Variants in NRXN3 observed in about 807,000 individuals in gnomAD.
NRXN3 encodes the protein neurexin 3.
NRXN3 carries 32 observed loss-of-function variants against 137.6 expected under a neutral mutation model. The ratio of observed to expected loss-of-function variants is 0.23; its 90% CI spans 0.18 to 0.31. The LOEUF (loss-of-function observed/expected upper bound fraction) is 0.31. Among genes scored for constraint, NRXN3 ranks in the 10% least tolerant of loss-of-function variants. The pLI is 1.00. For missense variants in NRXN3, 1,574 were observed against 2,062.5 expected (o/e 0.76, Z 4.59); for synonymous variants, 798 against 784.5 (o/e 1.02, Z -0.29).
At chr14:78,282,652 C>T (rs763504585) in intron 3 of NRXN3, among the ~76,000 whole-genome samples, 1 of 152,174 alleles carries the variant, frequency 6.6e-6, no homozygotes, top group Non-Finnish European at 1.5e-5. Flanking sequence ...GCCAAAGGAA[C>T]AGATACCTTT....
chr14:79,179,306 C>A (rs2153121459), intron 15 of NRXN3, among the ~76,000 whole-genome samples: 1 of 152,238 alleles, frequency 6.6e-6, no homozygotes, highest in African/African-American at 2.4e-5. Flanking sequence ...GACCAAGAAC[C>A]AAGATTGCAG....
chr14:79,235,208 T>C (rs1476353692), intron 15 of NRXN3, among the ~76,000 whole-genome samples: 4 of 152,096 alleles, frequency 2.6e-5, no homozygotes, highest in Non-Finnish European at 5.9e-5. Flanking sequence ...ATACCTATAT[T>C]TGTGTAAGAA....
chr14:78,295,657 T>C (rs1440274723), intron 3 of NRXN3, among the ~76,000 whole-genome samples: 1 of 152,196 alleles, frequency 6.6e-6, no homozygotes, highest in African/African-American at 2.4e-5. Context: ...AATTCAGATC[T>C]GGCCCCCACT....
At chr14:79,368,031 A>G (rs1304969574) in intron 15 of NRXN3, among the ~76,000 whole-genome samples, 1 of 152,202 alleles carries the variant, frequency 6.6e-6, no homozygotes, top group Non-Finnish European at 1.5e-5. Context: ...ATTGATTGCA[A>G]TGATTACAAG....
rs1267531559 is a variant in NRXN3 at position 79,865,341 on chromosome 14, C to T, written c.*3377C>T. 1 of 152,214 alleles carries T rather than the reference C, an allele frequency of 6.6e-6. No individual in the cohort carries two copies. The highest frequency in any genetic ancestry group is 1.5e-5 in the Non-Finnish European group (1 of 68,042). 9.4% of individuals were successfully genotyped at this position (152,214 alleles called of 1,614,324 possible). A position where few individuals can be genotyped will look rare whatever the true frequency, so the allele number is the denominator to read the frequency against. On this transcript the variant is annotated 3_prime_UTR_variant, in exon 21 of 21. Transcript: ENST00000335750. ...TAATGTCTCATATTTCTCGTTCTCT[C>T]AGCACACACTTACTTGGCCAATTGG...
At chr14:79,744,423 C>A (rs1008929628) in intron 19 of NRXN3, among the ~76,000 whole-genome samples, 43 of 152,154 alleles carry the variant, frequency 2.8e-4, no homozygotes, top group African/African-American at 1.0e-3. Context: ...TCCTACCCCC[C>A]AAAAATGAAC....
At chr14:78,556,349 C>G (rs994040675) in intron 4 of NRXN3, among the ~76,000 whole-genome samples, 1 of 152,148 alleles carries the variant, frequency 6.6e-6, no homozygotes, top group Non-Finnish European at 1.5e-5. Flanking sequence ...TCTTGAGATT[C>G]CAAAATCCTT....
At chr14:78,823,719 T>A (rs1224544013) in intron 10 of NRXN3, among the ~76,000 whole-genome samples, 1 of 152,180 alleles carries the variant, frequency 6.6e-6, no homozygotes, top group Non-Finnish European at 1.5e-5. Context: ...GAATTTATGC[T>A]GAGCAGGGTA....
chr14:78,353,700 G>A (rs1287235429), intron 4 of NRXN3, among the ~76,000 whole-genome samples: 4 of 152,146 alleles, frequency 2.6e-5, no homozygotes, highest in Non-Finnish European at 5.9e-5. Context: ...AGGAGTCTAG[G>A]CATTTGGGAC....
At chr14:78,498,458 A>G (rs935167852) in intron 4 of NRXN3, among the ~76,000 whole-genome samples, 5 of 152,166 alleles carry the variant, frequency 3.3e-5, no homozygotes, top group African/African-American at 9.7e-5. Context: ...GGAACTAGGT[A>G]TGCCTTTCTG....
rs143962575 is a variant in NRXN3, at chr14:78,887,037, C to G, written c.2276-70205C>G. Reference sequence around the variant, plus strand: ...CTTTAGTCTTTGTATATTTAATGTGCTCCAATCCTACTTACATCTCAACTG... The same window carrying G: ...CTTTAGTCTTTGTATATTTAATGTGGTCCAATCCTACTTACATCTCAACTG... On this transcript the variant is annotated intron_variant, in intron 10 of 20. Coordinates refer to ENST00000335750, the MANE Select transcript of NRXN3 (RefSeq NM_001330195.2). Among the ~76,000 whole-genome samples the G allele has an allele frequency of 2.6e-3, 397 of 152,218 alleles. 1 individual carries two copies. The highest frequency in any genetic ancestry group is 9.2e-3 in the African/African-American group (383 of 41,542).
intron 10 of NRXN3, among the ~76,000 whole-genome samples, chr14:78,949,033 A>C (rs530962057): frequency 6.6e-6 from 1 of 152,290 alleles, no homozygotes; most frequent in Non-Finnish European, 1.5e-5. Context: ...AAATGAGACC[A>C]CGTATGCAAA....
intron 16 of NRXN3, among the ~76,000 whole-genome samples, chr14:79,548,761 A>AG (rs2097345897): frequency 6.9e-6 from 1 of 145,084 alleles, no homozygotes; most frequent in East Asian, 2.1e-4. Context: ...AAAAAAAAAA[A>AG]CAAAAAAAAT....
At chr14:79,582,234 C>T (rs527857679) in intron 16 of NRXN3, among the ~76,000 whole-genome samples, 1 of 152,240 alleles carries the variant, frequency 6.6e-6, no homozygotes, top group East Asian at 1.9e-4. Context: ...CATGAGCAAC[C>T]ATGCCCAGCT....
intron 15 of NRXN3, among the ~76,000 whole-genome samples, chr14:79,303,308 G>T (rs909869192): frequency 1.3e-5 from 2 of 152,040 alleles, no homozygotes; most frequent in African/African-American, 4.8e-5. Context: ...TTATCAGCAA[G>T]AAACTAAAAA....
intron 1 of NRXN3, among the ~76,000 whole-genome samples, chr14:78,220,385 G>C (rs186099021): frequency 6.6e-6 from 1 of 152,188 alleles, no homozygotes; most frequent in East Asian, 1.9e-4. Flanking sequence ...CCAGGAAGGG[G>C]GCCCGAAAGC....
intron 4 of NRXN3, among the ~76,000 whole-genome samples, chr14:78,549,992 A>T (rs185829154): frequency 2.6e-5 from 4 of 151,452 alleles, no homozygotes; most frequent in Admixed American, 2.6e-4. Flanking sequence ...CTTACTAAAG[A>T]CTTTTCCTAG....
chr14:78,750,133 G>A (rs1415769546), intron 8 of NRXN3, among the ~76,000 whole-genome samples: 1 of 152,188 alleles, frequency 6.6e-6, no homozygotes, highest in African/African-American at 2.4e-5. Context: ...AGAGGATAAA[G>A]CCCACCACTG....
chr14:79,525,011 T>G (rs932768934), intron 16 of NRXN3, among the ~76,000 whole-genome samples: 7 of 152,162 alleles, frequency 4.6e-5, no homozygotes, highest in Admixed American at 2.6e-4. Context: ...TCTTATGACC[T>G]ATAATCAAAC....
Sources: gnomAD v4.1 joint callset for allele counts (sites outside exome capture counted in the v4.1 genomes callset) on GRCh38, gnomAD v4.1.1 for gene constraint, MANE v1.5 for transcripts, NCBI Gene and HGNC (gene_info 2026-07-23, HGNC 2026-07-21) for gene names.